The following ZNF550 variants were observed in gnomAD, a reference collection of about 807,000 sequenced individuals.
ZNF550 encodes the protein zinc finger protein 550.
ZNF550 carries 42 observed loss-of-function variants against 40.2 expected under a neutral mutation model. The observed-to-expected ratio is 1.05, with a 90% CI of 0.82 to 1.35. ZNF550 has a LOEUF of 1.35. ZNF550 is among the 40% of genes most tolerant of loss of function. The pLI is 0.00. For missense variants in ZNF550, 549 were observed against 525.2 expected (o/e 1.05, Z -0.44); for synonymous variants, 223 against 198.6 (o/e 1.12, Z -1.03).
Position 57,547,274 on chromosome 19 carries a change from A to AG in ZNF550, c.969dup (p.Phe324LeufsTer2), listed in dbSNP as rs868615118. ...TGAATTAGGTGGGCTCTATTGCTAA[A>AG]GGCTTTCTCACATTCTTTGCACTCA... On this transcript the variant is annotated frameshift_variant, in exon 4 of 5. Transcript: ENST00000457177. LOFTEE classifies it high-confidence loss of function. 23 of 1,613,988 alleles carry AG rather than the reference A, an allele frequency of 1.4e-5. No homozygotes were observed. Among genetic ancestry groups the AG allele is most frequent in the Non-Finnish European group, 1.9e-5 (22 of 1,180,022 alleles).
At chr19:57,556,465 A>G (rs769256778) in intron 1 of ZNF550, 108 bp from the exon 2 acceptor site, 1,408 of 1,438,398 alleles carry the variant, frequency 9.8e-4, no homozygotes, top group Non-Finnish European at 1.2e-3. Flanking sequence ...GTCTGAATCA[A>G]CTAGGTCTCC....
intron 4 of ZNF550, among the ~76,000 whole-genome samples, chr19:57,544,977 C>T (rs1450339532): frequency 6.6e-6 from 1 of 152,144 alleles, no homozygotes; most frequent in East Asian, 1.9e-4. Flanking sequence ...CAAAAATTAG[C>T]TGGGCATGGT....
At chr19:57,544,842 C>T (rs1405167393) in intron 4 of ZNF550, among the ~76,000 whole-genome samples, 4 of 152,170 alleles carry the variant, frequency 2.6e-5, no homozygotes, top group Non-Finnish European at 5.9e-5. Context: ...CAGATTCAGG[C>T]TAAGTACAGT....
intron 2 of ZNF550, chr19:57,555,897 T>G (rs2090116350): frequency 3.2e-6 from 1 of 313,218 alleles, no homozygotes; most frequent in African/African-American, 2.2e-5. Flanking sequence ...GGGGGCTGCC[T>G]GACTCACCCC....
exon 1 of ZNF550, chr19:57,559,719 C>G: frequency 6.9e-7 from 1 of 1,450,508 alleles, no homozygotes; most frequent in African/African-American, 1.4e-5. Flanking sequence ...TGGGGCAGCT[C>G]CCACGGGCTC....
chr19:57,542,533 T>C (rs2089969901), exon 5 of ZNF550: 2 of 151,970 alleles, frequency 1.3e-5, no homozygotes, highest in Admixed American at 1.3e-4. Flanking sequence ...TTAAAAACAA[T>C]TGGCTAGAGG....
At chr19:57,552,815 A>G (rs1599896029) in intron 2 of ZNF550, 93 bp from the exon 3 acceptor site, 1 of 906,472 alleles carries the variant, frequency 1.1e-6, no homozygotes, top group Non-Finnish European at 1.7e-6. Flanking sequence ...GGGTCCAGAC[A>G]TGAATGCAGC....
chr19:57,552,016 C>A (rs2090076735), intron 3 of ZNF550, among the ~76,000 whole-genome samples: 1 of 152,130 alleles, frequency 6.6e-6, no homozygotes, highest in Non-Finnish European at 1.5e-5. Context: ...TCTCTTGAGT[C>A]CAGAAAGAAA....
exon 4 of ZNF550, chr19:57,547,157 G>A (rs768582640): frequency 2.5e-5 from 40 of 1,610,118 alleles, no homozygotes; most frequent in Middle Eastern, 3.3e-4. Flanking sequence ...GTGTGAATCC[G>A]CTGGTGCTGT....
At chr19:57,547,477 T>C (rs2090028244) in exon 4 of ZNF550, 2 of 1,614,134 alleles carry the variant, frequency 1.2e-6, no homozygotes, top group Non-Finnish European at 1.7e-6. Context: ...GTATGGTTTC[T>C]CCCCGGTGTG....
intron 3 of ZNF550, among the ~76,000 whole-genome samples, chr19:57,551,631 G>A (rs1287665917): frequency 3.3e-5 from 5 of 152,190 alleles, no homozygotes; most frequent in African/African-American, 1.2e-4. Context: ...TTAGGCATCA[G>A]GAGCTAAAGG....
chr19:57,551,935 G>A (rs1359969520), intron 3 of ZNF550, among the ~76,000 whole-genome samples: 3 of 152,216 alleles, frequency 2.0e-5, no homozygotes, highest in East Asian at 1.9e-4. Flanking sequence ...ATGAGTGGAC[G>A]GAGAGGGTGG....
chr19:57,546,502 G>C, exon 4 of ZNF550: 1 of 989,198 alleles, frequency 1.0e-6, no homozygotes, highest in Non-Finnish European at 1.2e-6. Context: ...ATCCCAAGGT[G>C]GGTCAAATTC....
exon 1 of ZNF550, chr19:57,559,779 C>T: frequency 2.6e-6 from 3 of 1,138,752 alleles, no homozygotes; most frequent in Non-Finnish European, 3.5e-6. Flanking sequence ...CCCCAGTCGC[C>T]CTACCATCCT....
intron 1 of ZNF550, 49 bp from the exon 2 acceptor site, chr19:57,556,406 G>C (rs755794292): frequency 6.3e-7 from 1 of 1,576,136 alleles, no homozygotes; most frequent in East Asian, 2.2e-5. Context: ...TTGTCGCATA[G>C]GATCAGAACC....
At chr19:57,559,835 A>C in exon 1 of ZNF550, 21 of 580,698 alleles carry the variant, frequency 3.6e-5, no homozygotes, top group Non-Finnish European at 5.1e-5. Flanking sequence ...CCCACCACAA[A>C]CGTCCACGCC....
At chr19:57,556,285 T>A (rs1177398388) in exon 2 of ZNF550, 1 of 1,614,124 alleles carries the variant, frequency 6.2e-7, no homozygotes, top group South Asian at 1.1e-5. Flanking sequence ...TACAGGGTCC[T>A]CTGGGCCAGG....
intron 2 of ZNF550, 80 bp from the exon 3 acceptor site, chr19:57,552,802 A>T: frequency 1.9e-6 from 2 of 1,071,046 alleles, no homozygotes; most frequent in South Asian, 2.8e-5. Flanking sequence ...GGACTTCATG[A>T]CAGGGTCCAG....
chr19:57,560,270 C>T (rs1219697368), upstream of ZNF550, among the ~76,000 whole-genome samples: 1 of 152,286 alleles, frequency 6.6e-6, no homozygotes, highest in East Asian at 1.9e-4. Flanking sequence ...CTGGGACTGG[C>T]GTGGATCTGG....
Sources: gnomAD v4.1 joint callset for allele counts (sites outside exome capture counted in the v4.1 genomes callset) on GRCh38, gnomAD v4.1.1 for gene constraint, MANE v1.5 for transcripts, NCBI Gene and HGNC (gene_info 2026-07-23, HGNC 2026-07-21) for gene names.